FTCDNL1: variants seen among roughly 807,000 people sequenced by gnomAD.
FTCDNL1 encodes the protein formiminotransferase N-terminal subdomain-containing protein.
In FTCDNL1, 11 loss-of-function variants were observed where a neutral mutation model predicts 5.9. The observed-to-expected ratio is 1.87, with a 90% CI of 1.18 to 3.10. FTCDNL1 has a LOEUF of 3.10. Ranked by LOEUF, FTCDNL1 falls within the 30% of genes most tolerant of loss-of-function variation. The pLI, the probability that FTCDNL1 is intolerant of heterozygous loss-of-function variation, is 0.00. For missense variants in FTCDNL1, 115 were observed against 65.5 expected (o/e 1.76, Z -2.61); for synonymous variants, 58 against 24.8 (o/e 2.34, Z -3.99).
chr2:199,708,064 T>C, the FTCDNL1 span, among the ~76,000 whole-genome samples: 1 of 152,068 alleles, frequency 6.6e-6, no homozygotes, highest in African/African-American at 2.4e-5. Flanking sequence ...ACATTTATGT[T>C]AGATTGTTTA....
chr2:199,694,931 G>C, the FTCDNL1 span, among the ~76,000 whole-genome samples: 1 of 152,184 alleles, frequency 6.6e-6, no homozygotes. Flanking sequence ...GGCCAGACGA[G>C]GCTGAACTCC....
intron 3 of FTCDNL1, among the ~76,000 whole-genome samples, chr2:199,827,448 T>A (rs551396530): frequency 2.6e-5 from 4 of 152,278 alleles, no homozygotes; most frequent in Middle Eastern, 3.4e-3. Context: ...GATATTTGCC[T>A]GGATTATACA....
At chr2:199,751,212 T>TA in the FTCDNL1 span, among the ~76,000 whole-genome samples, 27 of 152,232 alleles carry the variant, frequency 1.8e-4, no homozygotes, top group Non-Finnish European at 2.6e-4. Context: ...TAATTAATGA[T>TA]ATTAGGCTAA....
At chr2:199,719,636 T>TTTG in the FTCDNL1 span, among the ~76,000 whole-genome samples, 34,501 of 151,526 alleles carry the variant, frequency 0.23, 4,407 homozygotes, top group Middle Eastern at 0.33. Context: ...TTTTGTTTTG[T>TTTG]TTGTTGTTGT....
downstream of FTCDNL1, among the ~76,000 whole-genome samples, chr2:199,756,971 C>T (rs919038735): frequency 1.2e-4 from 18 of 152,270 alleles, no homozygotes; most frequent in Admixed American, 3.9e-4. Flanking sequence ...ATTATATTGG[C>T]CAAAGTGAAT....
At chr2:199,819,163 C>G (rs1295722189) in intron 4 of FTCDNL1, 1 of 161,710 alleles carries the variant, frequency 6.2e-6, no homozygotes, top group East Asian at 1.7e-4. Context: ...TATTGAAAGA[C>G]CTTCCTACCA....
At chr2:199,791,439 A>C (rs1699920514) in intron 3 of FTCDNL1, among the ~76,000 whole-genome samples, 1 of 152,156 alleles carries the variant, frequency 6.6e-6, no homozygotes, top group Non-Finnish European at 1.5e-5. Flanking sequence ...TTTAAACGTC[A>C]ACTATTAGAT....
the FTCDNL1 span, among the ~76,000 whole-genome samples, chr2:199,671,510 C>G: frequency 6.6e-6 from 1 of 152,138 alleles, no homozygotes; most frequent in African/African-American, 2.4e-5. Flanking sequence ...CTTACATATC[C>G]TGGACGAGTC....
the FTCDNL1 span, among the ~76,000 whole-genome samples, chr2:199,684,974 T>G: frequency 7.4e-4 from 113 of 152,250 alleles, no homozygotes; most frequent in African/African-American, 2.6e-3. Context: ...GTGGTTTTCT[T>G]TTTTCCCTGA....
the FTCDNL1 span, among the ~76,000 whole-genome samples, chr2:199,664,543 C>T: frequency 6.6e-6 from 1 of 152,082 alleles, no homozygotes; most frequent in Admixed American, 6.5e-5. Flanking sequence ...GCATAAAATC[C>T]ATTATAATAC....
chr2:199,807,521 C>A (rs1032626949), downstream of FTCDNL1, among the ~76,000 whole-genome samples: 2 of 151,970 alleles, frequency 1.3e-5, no homozygotes, highest in African/African-American at 4.8e-5. Flanking sequence ...CCTGTAATCC[C>A]AGCTACTCAG....
At chr2:199,741,242 C>T in the FTCDNL1 span, among the ~76,000 whole-genome samples, 8 of 152,104 alleles carry the variant, frequency 5.3e-5, no homozygotes, top group African/African-American at 1.9e-4. Flanking sequence ...CTCCACTGCA[C>T]GCTAGCCCGG....
chr2:199,704,400 C>G, the FTCDNL1 span, among the ~76,000 whole-genome samples: 503 of 151,912 alleles, frequency 3.3e-3, 1 homozygote, highest in Non-Finnish European at 5.5e-3. Context: ...AGTTGGGGGT[C>G]GAGGGGCAAG....
chr2:199,730,887 T>C, the FTCDNL1 span, among the ~76,000 whole-genome samples: 5 of 152,216 alleles, frequency 3.3e-5, no homozygotes, highest in African/African-American at 4.8e-5. Context: ...TAAAGACACA[T>C]GCACATGTAT....
intron 3 of FTCDNL1, among the ~76,000 whole-genome samples, chr2:199,793,967 A>C (rs1377568720): frequency 2.0e-5 from 3 of 152,214 alleles, no homozygotes; most frequent in African/African-American, 7.2e-5. Flanking sequence ...AAAGAGTAAA[A>C]GCTGCATTTC....
the FTCDNL1 span, among the ~76,000 whole-genome samples, chr2:199,727,333 G>A: frequency 6.6e-6 from 1 of 152,206 alleles, no homozygotes; most frequent in Non-Finnish European, 1.5e-5. Context: ...ATCTTAGGCA[G>A]TCTCCAGCAT....
intron 4 of FTCDNL1, among the ~76,000 whole-genome samples, chr2:199,813,632 G>C (rs1478370178): frequency 6.6e-6 from 1 of 152,106 alleles, no homozygotes; most frequent in East Asian, 1.9e-4. Context: ...TTGTTACCAG[G>C]CTGGGTGCGG....
At chr2:199,699,519 A>G in the FTCDNL1 span, among the ~76,000 whole-genome samples, 6 of 152,094 alleles carry the variant, frequency 3.9e-5, no homozygotes, top group Admixed American at 3.9e-4. Context: ...ATCAAGGAGG[A>G]GGGGAGGAGG....
the FTCDNL1 span, among the ~76,000 whole-genome samples, chr2:199,705,553 T>A: frequency 6.6e-6 from 1 of 152,352 alleles, no homozygotes; most frequent in East Asian, 1.9e-4. Flanking sequence ...AAATAAATTA[T>A]ATTTTGTCCT....
Sources: allele counts gnomAD v4.1 joint callset (sites outside exome capture counted in the v4.1 genomes callset), GRCh38; gene constraint gnomAD v4.1.1; transcripts MANE v1.5; gene names NCBI Gene and HGNC (gene_info 2026-07-23, HGNC 2026-07-21).